RSPH9: variants seen among roughly 807,000 people sequenced by gnomAD.
RSPH9 encodes radial spoke head protein 9 homolog.
In RSPH9, 27 loss-of-function variants were observed where a neutral mutation model predicts 27.0. That is an observed-to-expected ratio of 1.00 (90% CI 0.74 to 1.38). RSPH9 has a LOEUF of 1.38. Ranked by LOEUF, RSPH9 falls within the 40% of genes most tolerant of loss-of-function variation. The probability of loss-of-function intolerance (pLI) is 0.00; values close to 1 mark genes in which losing one functional copy is unlikely to be tolerated. For missense variants in RSPH9, 347 were observed against 357.4 expected (o/e 0.97, Z 0.24); for synonymous variants, 145 against 147.7 (o/e 0.98, Z 0.13).
chr6:43,645,037 G>T lies in RSPH9; in HGVS notation c.-62G>T. 1 of 1,434,162 alleles carries T rather than the reference G, an allele frequency of 7.0e-7. No homozygotes were observed. The allele number at this position is 1,434,162 out of a possible 1,614,324, so 88.8% of individuals were successfully genotyped here. ...AGCTAGGCGGAAGGGCGGAGCTTCA[G>T]GTCTCCATGGAGGCGGCTTCTCCTA... On this transcript the variant is annotated 5_prime_UTR_variant, in exon 1 of 5. It adds an upstream start codon to the 5' untranslated region. Coordinates refer to ENST00000372163, the MANE Select transcript of RSPH9 (RefSeq NM_152732.5).
chr6:43,655,424 C>A, intron 2 of RSPH9, 138 bp from the exon 3 acceptor site: 1 of 872,264 alleles, frequency 1.1e-6, no homozygotes, highest in Non-Finnish European at 1.9e-6. Context: ...AAGGCGAGGG[C>A]CTGCCCAGCG....
rs1283152578 is a variant in RSPH9, at chr6:43,645,041, T to C, written c.-58T>C. The C allele has an allele frequency of 5.4e-6, 8 of 1,472,596 alleles. No homozygotes were observed. The Middle Eastern group carries it at 6.9e-4, about 126-fold the overall frequency. 91.2% of individuals were successfully genotyped at this position (1,472,596 alleles called of 1,614,324 possible). ...AGGCGGAAGGGCGGAGCTTCAGGTC[T>C]CCATGGAGGCGGCTTCTCCTAGCAA... On this transcript the variant is annotated 5_prime_UTR_variant, in exon 1 of 5. Transcript: ENST00000372163.
intron 3 of RSPH9, 79 bp downstream of exon 3, chr6:43,655,770 C>T: frequency 6.6e-7 from 1 of 1,518,804 alleles, no homozygotes; most frequent in Non-Finnish European, 9.1e-7. Context: ...GGGAGTCCAG[C>T]AGGGGGGCTT....
chr6:43,671,451 G>T lies in RSPH9; in HGVS notation c.*502G>T. The T allele has an allele frequency of 2.2e-6, 1 of 462,126 alleles. No individual in the cohort carries two copies. The highest frequency in any genetic ancestry group is 3.9e-6 in the Non-Finnish European group (1 of 254,476). 28.6% of individuals were successfully genotyped at this position (462,126 alleles called of 1,614,324 possible). On this transcript the variant is annotated 3_prime_UTR_variant, in exon 5 of 5. Coordinates refer to ENST00000372163, the MANE Select transcript of RSPH9 (RefSeq NM_152732.5). Reference sequence around the variant, plus strand: ...CCCAAGCAGTGAGCGCACACCCAATGGGTAAGCCCATGAACCCAGTTTATG... The same window carrying T: ...CCCAAGCAGTGAGCGCACACCCAATTGGTAAGCCCATGAACCCAGTTTATG...
intron 4 of RSPH9, among the ~76,000 whole-genome samples, chr6:43,659,280 T>C (rs1171810320): frequency 1.3e-5 from 2 of 151,286 alleles, no homozygotes; most frequent in Admixed American, 1.3e-4. Context: ...TGGAGTGCAA[T>C]GGTGTGATCT....
intron 4 of RSPH9, among the ~76,000 whole-genome samples, chr6:43,658,220 G>A (rs1018076572): frequency 2.0e-5 from 3 of 150,742 alleles, no homozygotes; most frequent in African/African-American, 7.3e-5. Flanking sequence ...GAATCTGGGA[G>A]GCAGAGGTTG....
chr6:43,655,010 C>G (rs1771859634), intron 2 of RSPH9, among the ~76,000 whole-genome samples: 1 of 151,994 alleles, frequency 6.6e-6, no homozygotes, highest in East Asian at 1.9e-4. Context: ...GAGACCCTGT[C>G]TCAAAACAAA....
rs1773681074 is a variant in RSPH9 at position 43,671,245 on chromosome 6, G to A, written c.*296G>A. ...TTGGATTCACACGAGAGCGGCAAGT[G>A]TGTCAGGCAGCCCACCTTGGCTCCC... is the stretch of plus-strand genomic sequence containing the variant. On this transcript the variant is annotated 3_prime_UTR_variant, in exon 5 of 5. Coordinates refer to ENST00000372163, the MANE Select transcript of RSPH9 (RefSeq NM_152732.5). 2 of 528,872 alleles carry A rather than the reference G, an allele frequency of 3.8e-6. No homozygotes were observed. Among genetic ancestry groups the A allele is most frequent in the Admixed American group, 3.2e-5 (1 of 31,354 alleles). 32.8% of individuals were successfully genotyped at this position (528,872 alleles called of 1,614,324 possible).
At position 43,645,140 on chromosome 6, in the gene RSPH9, C is replaced by G. The variant is rs1263638769; in HGVS notation, c.42C>G (p.Ser14=). ...DSLLLSLELA[S]GSGQGLSPDR... ...TCCTGCTGTCTCTGGAGCTGGCGTC[C>G]GGCAGTGGGCAGGGCCTCAGCCCGG... Residue 14 remains serine (S), a synonymous_variant, in exon 1 of 5, where the codon TCC becomes TCG. Coordinates refer to ENST00000372163, the MANE Select transcript of RSPH9 (RefSeq NM_152732.5). 21 of 1,613,082 alleles carry G rather than the reference C, an allele frequency of 1.3e-5. No homozygotes were observed. In the South Asian group the frequency reaches 2.3e-4, roughly 18 times the overall value.
chr6:43,672,142 C>T lies in RSPH9; in HGVS notation c.*1193C>T, dbSNP rs1299966835. 3.4e-6 allele frequency: 2 copies of T among 587,590 alleles called. No homozygotes were observed. Among genetic ancestry groups the T allele is most frequent in the Non-Finnish European group, 6.2e-6 (2 of 325,008 alleles). 36.4% of individuals were successfully genotyped at this position (587,590 alleles called of 1,614,324 possible). On this transcript the variant is annotated 3_prime_UTR_variant, in exon 5 of 5. Coordinates refer to ENST00000372163, the MANE Select transcript of RSPH9 (RefSeq NM_152732.5). ...GTGGCCAGGTTCAGGCAGCCCAGGG[C>T]CACAAGCTCCCTTGATCTTTGTAAA... is the stretch of plus-strand genomic sequence containing the variant.
intron 4 of RSPH9, among the ~76,000 whole-genome samples, chr6:43,663,205 T>C (rs1772807777): frequency 6.7e-6 from 1 of 148,218 alleles, no homozygotes; most frequent in Admixed American, 6.6e-5. Flanking sequence ...TTAGAGGCTA[T>C]TGTAGAGTTA....
rs1358157815 is a variant in RSPH9 at position 43,666,624 on chromosome 6, G to A, written c.671-4165G>A. 1.5e-5 allele frequency: 11 copies of A among 746,836 alleles called. No homozygotes were observed. In the East Asian group the frequency reaches 1.7e-4, roughly 12 times the overall value. The allele number at this position is 746,836 out of a possible 1,614,324, so 46.3% of individuals were successfully genotyped here. ...TGTTGTCCTCATGAGTTGTCATGCC[G>A]TGTCCAGGGATCCGCAAAGTTCCAT... On this transcript the variant is annotated intron_variant, in intron 4 of 4. Transcript: ENST00000372163.
Position 43,672,550 on chromosome 6 carries a change from C to T in RSPH9, c.*1601C>T, listed in dbSNP as rs980420733. The T allele has an allele frequency of 1.1e-4, 46 of 417,040 alleles. No homozygotes were observed. The highest frequency in any genetic ancestry group is 3.9e-4 in the Admixed American group (14 of 36,168). The allele number at this position is 417,040 out of a possible 1,614,324, so 25.8% of individuals were successfully genotyped here. A position where few individuals can be genotyped will look rare whatever the true frequency, so the allele number is the denominator to read the frequency against. On this transcript the variant is annotated 3_prime_UTR_variant, in exon 5 of 5. Transcript: ENST00000372163. ...TAGTTCCCAGAAAAGTGGCTCATGC[C>T]GGCTAGGATTGGGTTTTACTCTGTC... is the stretch of plus-strand genomic sequence containing the variant.
In RSPH9 at chr6:43,664,765, T is replaced by C. The variant is rs182293882; in HGVS notation, c.671-6024T>C. ...AGTAGGGGGATATGAAGAGGGTCTA[T>C]AGGGGTTGGGGCATTTCTCGCCCAT... On this transcript the variant is annotated intron_variant, in intron 4 of 4. Coordinates refer to ENST00000372163, the MANE Select transcript of RSPH9 (RefSeq NM_152732.5). Among the ~76,000 whole-genome samples the C allele has an allele frequency of 2.6e-3, 397 of 152,270 alleles. 1 individual carries two copies. The highest frequency in any genetic ancestry group is 4.7e-3 in the Non-Finnish European group (323 of 68,016).
intron 1 of RSPH9, among the ~76,000 whole-genome samples, chr6:43,645,526 T>A (rs1470691733): frequency 6.7e-6 from 1 of 149,480 alleles, no homozygotes; most frequent in Non-Finnish European, 1.5e-5. Flanking sequence ...AGGGCGGGGA[T>A]GGGGATGTCT....
chr6:43,656,772 C>T (rs775528747), intron 4 of RSPH9, 49 bp downstream of exon 4: 2 of 1,599,030 alleles, frequency 1.3e-6, no homozygotes, highest in South Asian at 2.2e-5. Flanking sequence ...CAGGCCATAG[C>T]AGTGGGCCAT....
intron 4 of RSPH9, among the ~76,000 whole-genome samples, chr6:43,669,482 G>A (rs534436541): frequency 3.0e-4 from 45 of 152,370 alleles, no homozygotes; most frequent in African/African-American, 1.0e-3. Context: ...GCTGCAGGGT[G>A]TGGAGTGACT....
intron 4 of RSPH9, among the ~76,000 whole-genome samples, chr6:43,667,482 C>A (rs1411115319): frequency 2.0e-5 from 3 of 152,146 alleles, no homozygotes; most frequent in Non-Finnish European, 4.4e-5. Context: ...GGTTGAGGAC[C>A]GGGAAGGGGG....
At position 43,645,847 on chromosome 6, in the gene RSPH9, C is replaced by T. The variant is rs1040328769; in HGVS notation, c.227+522C>T. Among the ~76,000 whole-genome samples, 5 of 152,270 alleles carry T rather than the reference C, an allele frequency of 3.3e-5. No individual in the cohort carries two copies. In the South Asian group the frequency reaches 6.2e-4, roughly 19 times the overall value. On this transcript the variant is annotated intron_variant, in intron 1 of 4. Transcript: ENST00000372163. The stretch of plus-strand genomic sequence containing the variant: ...GGGTGGTGCTCTTTGATAGAGGTAT[C>T]TGCTCTGGAGCTGGAGGCGCTTTTG...
Sources: allele counts gnomAD v4.1 joint callset (sites outside exome capture counted in the v4.1 genomes callset), GRCh38; gene constraint gnomAD v4.1.1; transcripts MANE v1.5; gene names NCBI Gene and HGNC (gene_info 2026-07-23, HGNC 2026-07-21).